Variants in ADAM11 observed in about 807,000 individuals in gnomAD.
The protein encoded by ADAM11 is disintegrin and metalloproteinase domain-containing protein 11.
A neutral mutation model predicts 119.1 loss-of-function variants in ADAM11; 49 were observed. The observed-to-expected ratio is 0.41, with a 90% CI of 0.33 to 0.52. The LOEUF is 0.52. Among genes scored for constraint, ADAM11 ranks in the 20% least tolerant of loss-of-function variants. The probability of loss-of-function intolerance (pLI) is 0.20; values close to 1 mark genes in which losing one functional copy is unlikely to be tolerated. For missense variants in ADAM11, 777 were observed against 1,047.5 expected (o/e 0.74, Z 3.56); for synonymous variants, 364 against 408.0 (o/e 0.89, Z 1.30).
rs1303757285 is a variant in ADAM11 at position 44,772,367 on chromosome 17, G to A, written c.611-32G>A. ...GGGAAGGGGGGGTGGGGAGGGGCCG[G>A]CTGTGCCCCCCTCACCTGCCCCTCC... On this transcript the variant is annotated intron_variant, in intron 7 of 26. Coordinates refer to ENST00000200557, the MANE Select transcript of ADAM11 (RefSeq NM_002390.6). The surrounding 1 kb of genome is among the most constrained non-coding windows in gnomAD (Gnocchi z 4.5). 1 of 1,580,014 alleles carries A rather than the reference G, an allele frequency of 6.3e-7. No individual in the cohort carries two copies. The highest frequency in any genetic ancestry group is 2.3e-5 in the East Asian group (1 of 43,356).
At chr17:44,779,178 G>A (rs2145250351) in intron 25 of ADAM11, 44 bp from the exon 26 acceptor site, 2 of 1,580,148 alleles carry the variant, frequency 1.3e-6, no homozygotes, top group East Asian at 2.5e-5. Context: ...CAAAAGGTCA[G>A]ATGTCTCCTT....
In ADAM11 at chr17:44,780,058, G is replaced by T; in HGVS notation, c.*304G>T. The T allele has an allele frequency of 1.5e-6, 1 of 683,050 alleles. No individual in the cohort carries two copies. The highest frequency in any genetic ancestry group is 2.7e-6 in the Non-Finnish European group (1 of 372,248). 42.3% of individuals were successfully genotyped at this position (683,050 alleles called of 1,614,324 possible). A position where few individuals can be genotyped will look rare whatever the true frequency, so the allele number is the denominator to read the frequency against. ...CATGGATTGCCACAGCTCAACTCGGGGGCGCCTGGAGGGATGCCCCCAGGC... is the reference window on the plus strand; with the variant it reads ...CATGGATTGCCACAGCTCAACTCGGTGGCGCCTGGAGGGATGCCCCCAGGC... On this transcript the variant is annotated 3_prime_UTR_variant, in exon 27 of 27. Transcript: ENST00000200557.
intron 2 of ADAM11, among the ~76,000 whole-genome samples, chr17:44,767,543 G>T (rs1229782731): frequency 6.6e-6 from 1 of 152,028 alleles, no homozygotes; most frequent in African/African-American, 2.4e-5. Context: ...TTGTGTCCCC[G>T]CATGGGGCCA....
At chr17:44,779,086 T>G in intron 25 of ADAM11, 136 bp from the exon 26 acceptor site, 2 of 1,114,880 alleles carry the variant, frequency 1.8e-6, no homozygotes, top group Non-Finnish European at 2.6e-6. Context: ...GGCCCTTACA[T>G]TAGTGTCCAG....
rs1598890419 is a variant in ADAM11, at chr17:44,773,116, C to T, written c.825+31C>T. On this transcript the variant is annotated intron_variant, in intron 10 of 26. Transcript: ENST00000200557. The surrounding 1 kb of genome is among the most constrained non-coding windows in gnomAD (Gnocchi z 4.6). ...CAGCTCTCCCTCCCTCCCTTCCCTC[C>T]TCCTCATGCCCCCCACCCCACCACA... The T allele has an allele frequency of 1.2e-6, 2 of 1,607,628 alleles. No homozygotes were observed. Among genetic ancestry groups the T allele is most frequent in the East Asian group, 4.5e-5 (2 of 44,794 alleles).
In ADAM11 at chr17:44,772,463, G is replaced by A. The variant is rs1218623024; in HGVS notation, c.675G>A (p.Arg225=). Residue 225 remains arginine (R), a synonymous_variant, in exon 8 of 27, where the codon AGG becomes AGA. Coordinates refer to ENST00000200557, the MANE Select transcript of ADAM11 (RefSeq NM_002390.6). This position sits in a 1 kb window ranked among gnomAD's most constrained non-coding sequence, Gnocchi z 4.5. ...PPNRPRLRRK[R]QVRRGHPTVH... The stretch of plus-strand genomic sequence containing the variant: ...ACCGGCCGAGGCTGAGAAGGAAAAG[G>A]CAGGTACGGGGGCCCGCACAGACCT... 1 of 1,568,002 alleles carries A rather than the reference G, an allele frequency of 6.4e-7. No individual in the cohort carries two copies. The highest frequency in any genetic ancestry group is 8.6e-7 in the Non-Finnish European group (1 of 1,156,546).
intron 4 of ADAM11, 81 bp downstream of exon 4, chr17:44,770,129 A>T (rs1311380116): frequency 6.6e-7 from 1 of 1,510,180 alleles, no homozygotes; most frequent in Non-Finnish European, 9.1e-7. Context: ...AGGTGTAGGG[A>T]CAGGTGGCCA....
chr17:44,759,452 G>A (rs1306822179), intron 1 of ADAM11, 192 bp downstream of exon 1: 3 of 1,246,896 alleles, frequency 2.4e-6, no homozygotes, highest in Non-Finnish European at 2.0e-6. Flanking sequence ...GGCCCACCGC[G>A]TCCCTGCCCC....
intron 2 of ADAM11, among the ~76,000 whole-genome samples, chr17:44,761,560 T>C (rs962987799): frequency 2.0e-5 from 3 of 152,036 alleles, no homozygotes; most frequent in African/African-American, 7.3e-5. Context: ...CTGAGGGGTG[T>C]CTGAGAGCCT....
Position 44,773,499 on chromosome 17 carries a change from G to A in ADAM11, c.992+72G>A. ...CAGTGCTTGGGATTACTTAACACCT[G>A]CCCTGTGCTGGCTGCTCCTCTCAGA... On this transcript the variant is annotated intron_variant, in intron 11 of 26. Transcript: ENST00000200557. The surrounding 1 kb of genome is among the most constrained non-coding windows in gnomAD (Gnocchi z 4.6). The A allele has an allele frequency of 6.5e-7, 1 of 1,538,520 alleles. No individual in the cohort carries two copies. Among genetic ancestry groups the A allele is most frequent in the Non-Finnish European group, 8.8e-7 (1 of 1,138,466 alleles).
chr17:44,774,747 T>A lies in ADAM11; in HGVS notation c.1218T>A (p.Thr406=). The change falls in exon 14 of 27, where the codon ACT becomes ACA. Residue 406 remains threonine (T), a splice_region_variant and synonymous_variant. Coordinates refer to ENST00000200557, the MANE Select transcript of ADAM11 (RefSeq NM_002390.6). The part of the protein sequence containing the change: ...DIWLGCIMED[T]GFYLPRKFSR... ...GGCTGGGCTGCATCATGGAGGACACTGGGTGAGTTCTTGGGGACAAACCGG... is the reference window on the plus strand; with the variant it reads ...GGCTGGGCTGCATCATGGAGGACACAGGGTGAGTTCTTGGGGACAAACCGG... 6.3e-7 allele frequency: 1 copy of A among 1,591,710 alleles called. No homozygotes were observed. The highest frequency in any genetic ancestry group is 1.1e-5 in the South Asian group (1 of 87,788).
intron 4 of ADAM11, among the ~76,000 whole-genome samples, chr17:44,770,593 C>T (rs911470200): frequency 2.1e-4 from 32 of 152,160 alleles, no homozygotes; most frequent in African/African-American, 7.2e-4. Context: ...CAGCCCCAAC[C>T]CATGAGTCTG....
chr17:44,771,210 G>A (rs2145223405), intron 4 of ADAM11, among the ~76,000 whole-genome samples: 1 of 150,590 alleles, frequency 6.6e-6, no homozygotes, highest in Middle Eastern at 3.4e-3. Context: ...TAAGGCATGA[G>A]AATGGCTTGA....
chr17:44,760,384 G>A (rs2049375568), intron 2 of ADAM11, among the ~76,000 whole-genome samples: 1 of 152,156 alleles, frequency 6.6e-6, no homozygotes. Context: ...TAGGCTTGTT[G>A]TTCTTCCTGT....
intron 4 of ADAM11, among the ~76,000 whole-genome samples, chr17:44,771,297 CAAA>C (rs5820551): frequency 1.5e-4 from 18 of 120,428 alleles, no homozygotes; most frequent in East Asian, 2.4e-4. Context: ...GACCCTGTCT[CAAA>C]AAAAAAAAAA....
rs555358248 is a variant in ADAM11 at position 44,772,904 on chromosome 17, G to A, written c.726G>A (p.Glu242=). The A allele has an allele frequency of 2.0e-5, 33 of 1,614,172 alleles. 1 individual carries two copies. In the South Asian group the frequency reaches 3.5e-4, roughly 17 times the overall value. ...PTVHSETKYV[E]LIVINDHQLF... ...TGCACAGTGAAACCAAGTATGTGGA[G>A]CTAATTGTGATCAACGACCACCAGC... is the stretch of plus-strand genomic sequence containing the variant. Residue 242 remains glutamate, a synonymous_variant, in exon 9 of 27, where the codon GAG becomes GAA. Transcript: ENST00000200557. The surrounding 1 kb of genome is among the most constrained non-coding windows in gnomAD (Gnocchi z 4.5).
Position 44,775,490 on chromosome 17 carries a change from T to G in ADAM11, c.1392+25T>G, listed in dbSNP as rs747207206. ...GGTGAGCGGTGGTGCGGGCGCCAGG[T>G]GGGGAACCGGGATGCGGGGGTGGGC... On this transcript the variant is annotated intron_variant, in intron 16 of 26. Transcript: ENST00000200557. This position sits in a 1 kb window ranked among gnomAD's most constrained non-coding sequence, Gnocchi z 7.5. The G allele has an allele frequency of 5.3e-5, 85 of 1,597,742 alleles. No homozygotes were observed. The highest frequency in any genetic ancestry group is 1.9e-4 in the Admixed American group (11 of 58,180).
chr17:44,781,770 G>A lies in ADAM11; in HGVS notation c.*2016G>A, dbSNP rs2049696665. 1 of 152,554 alleles carries A rather than the reference G, an allele frequency of 6.6e-6. No homozygotes were observed. The highest frequency in any genetic ancestry group is 2.4e-5 in the African/African-American group (1 of 41,448). The allele number at this position is 152,554 out of a possible 1,614,324, so 9.5% of individuals were successfully genotyped here. A position where few individuals can be genotyped will look rare whatever the true frequency, so the allele number is the denominator to read the frequency against. On this transcript the variant is annotated 3_prime_UTR_variant, in exon 27 of 27. Transcript: ENST00000200557. Reference sequence around the variant, plus strand: ...ACAGCATCCTGTACATACGCCACCTGGGCTGGGGGTGGGGAGGCAGGGCCA... The same window carrying A: ...ACAGCATCCTGTACATACGCCACCTAGGCTGGGGGTGGGGAGGCAGGGCCA...
intron 2 of ADAM11, among the ~76,000 whole-genome samples, chr17:44,761,041 G>C (rs1432379123): frequency 2.0e-5 from 3 of 148,766 alleles, no homozygotes; most frequent in Admixed American, 1.3e-4. Flanking sequence ...GGGGTGGGGG[G>C]TGGAAGCTGC....
Sources: allele counts gnomAD v4.1 joint callset (sites outside exome capture counted in the v4.1 genomes callset), GRCh38; gene constraint gnomAD v4.1.1; non-coding constraint Gnocchi (gnomAD v3.1); transcripts MANE v1.5; gene names NCBI Gene and HGNC (gene_info 2026-07-23, HGNC 2026-07-21).